LAMB1: variants seen among roughly 807,000 people sequenced by gnomAD.
LAMB1 encodes laminin subunit beta-1.
Under a neutral mutation model 222.3 loss-of-function variants are expected in LAMB1, and 121 were observed. The ratio of observed to expected loss-of-function variants is 0.54; its 90% CI spans 0.47 to 0.63. The LOEUF is 0.63. Among genes scored for constraint, LAMB1 ranks in the 30% least tolerant of loss-of-function variants. The pLI is 0.00. For synonymous variants in LAMB1, 794 were observed against 807.2 expected (o/e 0.98, Z 0.28); for missense variants, 2,172 against 2,240.8 (o/e 0.97, Z 0.62).
chr7:107,961,218 C>T lies in LAMB1; in HGVS notation c.2097G>A (p.Thr699=), dbSNP rs752641165. 3.0e-5 allele frequency: 48 copies of T among 1,614,108 alleles called. No homozygotes were observed. Among genetic ancestry groups the T allele is most frequent in the African/African-American group, 1.5e-4 (11 of 75,016 alleles). Residue 699 remains threonine, a synonymous_variant, in exon 17 of 34, where the codon ACG becomes ACA. Coordinates refer to ENST00000222399, the MANE Select transcript of LAMB1 (RefSeq NM_002291.3). ...ATCTCGCACTTACAGAATCGATCAG[C>T]GTGTAGGGGCTCTCCACGTCGCTAT... The part of the protein sequence containing the change: ...SSDSDVESPY[T]LIDSLVLMPY...
intron 9 of LAMB1, among the ~76,000 whole-genome samples, 163 bp downstream of exon 9, chr7:107,977,884 T>A (rs1275672966): frequency 6.6e-6 from 1 of 152,196 alleles, no homozygotes; most frequent in Non-Finnish European, 1.5e-5. Context: ...ATTAATTAAC[T>A]GAATGCAGAT....
intron 2 of LAMB1, chr7:108,002,232 C>T: frequency 7.5e-7 from 1 of 1,334,198 alleles, no homozygotes; most frequent in Non-Finnish European, 9.9e-7. Flanking sequence ...TGCGTGCACG[C>T]GCGAGGGTCA....
intron 2 of LAMB1, chr7:108,002,363 G>C (rs548375998): frequency 4.3e-5 from 56 of 1,316,810 alleles, no homozygotes; most frequent in Non-Finnish European, 5.6e-5. Flanking sequence ...CCATTCCAGG[G>C]AAGCGCCAGG....
intron 19 of LAMB1, 80 bp downstream of exon 19, chr7:107,959,611 C>T (rs767081471): frequency 6.8e-6 from 11 of 1,612,930 alleles, no homozygotes; most frequent in East Asian, 2.2e-5. Context: ...AGGGAAGCAT[C>T]GGCTCTGCAG....
chr7:107,982,440 C>T (rs922971278), intron 7 of LAMB1, among the ~76,000 whole-genome samples: 5 of 152,118 alleles, frequency 3.3e-5, no homozygotes, highest in African/African-American at 9.7e-5. Context: ...GAAATGGCTG[C>T]GGGTAGAAAG....
At position 107,955,560 on chromosome 7, in the gene LAMB1, C is replaced by A. The variant is rs1223622749; in HGVS notation, c.2761G>T (p.Asp921Tyr). 4.3e-6 allele frequency: 7 copies of A among 1,614,106 alleles called. No individual in the cohort carries two copies. Among genetic ancestry groups the A allele is most frequent in the Non-Finnish European group, 5.9e-6 (7 of 1,180,006 alleles). ...GDHCRPCPCPDGPDSGRQFAR... is the reference protein window; with the variant it reads ...GDHCRPCPCPYGPDSGRQFAR... ...AACTGGCGTCCACTGTCGGGACCAT[C>A]TGGGCAAGGGCAAGGGCGGCAGTGA... Residue 921 changes from aspartate (D) to tyrosine (Y), a missense_variant, in exon 21 of 34, where the codon GAT becomes TAT. Transcript: ENST00000222399.
At chr7:107,974,681 A>C (rs758394770) in intron 12 of LAMB1, among the ~76,000 whole-genome samples, 7 of 152,246 alleles carry the variant, frequency 4.6e-5, no homozygotes, top group Non-Finnish European at 7.3e-5. Flanking sequence ...GATGCCCACC[A>C]GCAGCCAAGA....
rs2033638231 is a variant in LAMB1, at chr7:107,966,421, G to A, written c.1563-1734C>T. Among the ~76,000 whole-genome samples, 3 of 151,980 alleles carry A rather than the reference G, an allele frequency of 2.0e-5. 1 individual carries two copies. In the South Asian group the frequency reaches 6.2e-4, roughly 32 times the overall value. ...AGACAGGGTTTCACCATATTGGCCA[G>A]GCTGGTCTCAATCTCCTGACCTCGT... On this transcript the variant is annotated intron_variant, in intron 13 of 33. Coordinates refer to ENST00000222399, the MANE Select transcript of LAMB1 (RefSeq NM_002291.3).
Position 107,961,552 on chromosome 7 carries a change from G to A in LAMB1, c.1982C>T (p.Ser661Leu). ...GCCAAACCACCGTCACACTGACCTT[G>A]AGCCTGGTGATAATGACACCACCTG... ...DNQVVSLSPG[S>L]RYVVLPRPVC... is the part of the protein sequence containing the mutation. The change falls in exon 16 of 34, where the codon TCA becomes TTA. Residue 661 changes from serine to leucine, a missense_variant. By Grantham distance (145) the Ser-to-Leu change is moderately radical. Coordinates refer to ENST00000222399, the MANE Select transcript of LAMB1 (RefSeq NM_002291.3). The A allele has an allele frequency of 6.2e-7, 1 of 1,613,422 alleles. No homozygotes were observed. The highest frequency in any genetic ancestry group is 8.5e-7 in the Non-Finnish European group (1 of 1,179,382).
intron 3 of LAMB1, among the ~76,000 whole-genome samples, chr7:107,999,148 C>T (rs1215553671): frequency 6.6e-6 from 1 of 152,150 alleles, no homozygotes; most frequent in Non-Finnish European, 1.5e-5. Context: ...TCAAAGAACC[C>T]CAACATGGGC....
intron 31 of LAMB1, among the ~76,000 whole-genome samples, chr7:107,927,493 A>G (rs973656162): frequency 1.3e-5 from 2 of 152,180 alleles, no homozygotes; most frequent in African/African-American, 4.8e-5. Flanking sequence ...GCTGGAGTGC[A>G]GTGACTGTTT....
At chr7:107,977,768 C>A (rs916553454) in intron 9 of LAMB1, among the ~76,000 whole-genome samples, 14 of 152,110 alleles carry the variant, frequency 9.2e-5, no homozygotes, top group South Asian at 6.3e-4. Flanking sequence ...CAAAAAAAAA[C>A]CAAAAAACAA....
intron 14 of LAMB1, among the ~76,000 whole-genome samples, chr7:107,964,289 GAGA>G (rs2033578823): frequency 6.6e-6 from 1 of 152,174 alleles, no homozygotes; most frequent in East Asian, 1.9e-4. Flanking sequence ...CATAAGTAGA[GAGA>G]AGAAAAGTTT....
chr7:107,971,389 C>T lies in LAMB1; in HGVS notation c.1562+1603G>A, dbSNP rs370632391. On this transcript the variant is annotated intron_variant, in intron 13 of 33. Coordinates refer to ENST00000222399, the MANE Select transcript of LAMB1 (RefSeq NM_002291.3). ...GGTTTTGATGAGTGATTGCAACAAA[C>T]CAATCATCCAGTAAACATTTCCCAA... Among the ~76,000 whole-genome samples, 16 of 152,270 alleles carry T rather than the reference C, an allele frequency of 1.1e-4. No individual in the cohort carries two copies. In the East Asian group the frequency reaches 2.7e-3, roughly 26 times the overall value.
intron 5 of LAMB1, among the ~76,000 whole-genome samples, chr7:107,991,321 T>A (rs1405388414): frequency 6.6e-6 from 1 of 152,198 alleles, no homozygotes; most frequent in Admixed American, 6.5e-5. Flanking sequence ...CAGTGGCTCA[T>A]GCCTCTTTTG....
rs199884475 is a variant in LAMB1 at position 108,001,527 on chromosome 7, C to T, written c.213+31G>A. ...AGGTCTGGACGGGAGGAGGCGCTAG[C>T]AGAGCCTCGAACCCCGCTCTCAGCC... On this transcript the variant is annotated intron_variant, in intron 3 of 33. Transcript: ENST00000222399. 5.6e-4 allele frequency: 871 copies of T among 1,553,478 alleles called. 8 individuals carry two copies. In the African/African-American group the frequency reaches 0.01, roughly 19 times the overall value.
chr7:107,975,119 G>T (rs777231203), intron 11 of LAMB1, 21 bp from the exon 12 acceptor site: 3 of 1,557,670 alleles, frequency 1.9e-6, no homozygotes, highest in Non-Finnish European at 2.7e-6. Context: ...ACAAAATGAA[G>T]TGGAGAAACA....
In LAMB1 at chr7:108,001,632, C is replaced by T. The variant is rs756306398; in HGVS notation, c.139G>A (p.Ala47Thr). 2 of 1,613,124 alleles carry T rather than the reference C, an allele frequency of 1.2e-6. No individual in the cohort carries two copies. The highest frequency in any genetic ancestry group is 1.7e-6 in the Non-Finnish European group (2 of 1,179,882). The change falls in exon 3 of 34, where the codon GCA (alanine) becomes ACA (threonine). Residue 47 changes from alanine (A) to threonine (T), a missense_variant. By Grantham distance (58) the Ala-to-Thr change is moderately conservative (BLOSUM62 0). Coordinates refer to ENST00000222399, the MANE Select transcript of LAMB1 (RefSeq NM_002291.3). ...GTCGAGGTCACCGAAAGCTTCTGTG[C>T]TCGGCCGATGAGAAGGTCGCCCGTG... ...PATGDLLIGR[A>T]QKLSVTSTCG...
In LAMB1 at chr7:107,952,216, GAC is replaced by G; in HGVS notation, c.3085_3086del (p.Val1029LeufsTer2). On this transcript the variant is annotated frameshift_variant, in exon 23 of 34. Coordinates refer to ENST00000222399, the MANE Select transcript of LAMB1 (RefSeq NM_002291.3). LOFTEE classifies it high-confidence loss of function. The part of the protein sequence containing the change: ...DALQQDCRKC[V>X]CNYLGTVQEH... ...CTTGCACGGTGCCCAGGTAATTACA[GAC>G]ACACTCTGCAAAAGAACATCACATT... is the stretch of plus-strand genomic sequence containing the variant. The G allele has an allele frequency of 6.3e-7, 1 of 1,597,014 alleles. No homozygotes were observed.
Sources: gnomAD v4.1 joint callset for allele counts (sites outside exome capture counted in the v4.1 genomes callset) on GRCh38, gnomAD v4.1.1 for gene constraint, MANE v1.5 for transcripts, NCBI Gene and HGNC (gene_info 2026-07-23, HGNC 2026-07-21) for gene names.